Variants in SYNE2 observed in about 807,000 individuals in gnomAD.
SYNE2 encodes the protein nesprin-2.
A neutral mutation model predicts 856.3 loss-of-function variants in SYNE2; 431 were observed. The observed-to-expected ratio is 0.50, with a 90% CI of 0.47 to 0.55. SYNE2 has a LOEUF of 0.55. SYNE2 is among the 20% of genes least tolerant of loss of function. The pLI is 0.00. For missense variants in SYNE2, 8,129 were observed against 8,023.2 expected, an observed-to-expected ratio of 1.01 and a Z score of -0.50; for synonymous variants, 2,923 against 2,872.3, an observed-to-expected ratio of 1.02 and a Z score of -0.56.
chr14:64,010,359 T>C (rs539272128), intron 32 of SYNE2, among the ~76,000 whole-genome samples: 3 of 152,294 alleles, frequency 2.0e-5, no homozygotes, highest in South Asian at 2.1e-4. Flanking sequence ...GTGTTTCTGC[T>C]CACCCCTGCT....
intron 3 of SYNE2, among the ~76,000 whole-genome samples, chr14:63,941,169 T>C (rs2095909811): frequency 6.6e-6 from 1 of 152,212 alleles, no homozygotes; most frequent in South Asian, 2.1e-4. Flanking sequence ...TGCTGGGATA[T>C]GAACCCAGAC....
intron 100 of SYNE2, among the ~76,000 whole-genome samples, chr14:64,203,775 T>C (rs929290341): frequency 6.6e-5 from 10 of 152,234 alleles, no homozygotes; most frequent in African/African-American, 9.7e-5. Context: ...TTCTCAGACT[T>C]GAATCTGTTT....
chr14:63,849,808 G>T (rs1054974609), upstream of SYNE2, among the ~76,000 whole-genome samples: 5 of 152,158 alleles, frequency 3.3e-5, no homozygotes, highest in Non-Finnish European at 7.3e-5. Context: ...GAGTTCCTTA[G>T]ACCATGATTT....
At chr14:63,878,966 C>T (rs1010439393) in intron 1 of SYNE2, among the ~76,000 whole-genome samples, 2 of 152,198 alleles carry the variant, frequency 1.3e-5, no homozygotes, top group African/African-American at 4.8e-5. Context: ...GCCTTGATCC[C>T]AGTGCTTTGC....
intron 45 of SYNE2, among the ~76,000 whole-genome samples, chr14:64,042,360 G>A (rs576512712): frequency 6.6e-6 from 1 of 152,342 alleles, no homozygotes; most frequent in Admixed American, 6.5e-5. Context: ...AGGAAGAGAT[G>A]AAAAGGGATA....
At chr14:63,938,952 A>G (rs1432759340) in intron 2 of SYNE2, among the ~76,000 whole-genome samples, 3 of 152,018 alleles carry the variant, frequency 2.0e-5, no homozygotes, top group Non-Finnish European at 4.4e-5. Context: ...GCGTGTGTGC[A>G]TGTGTGCGCT....
chr14:64,205,589 C>A (rs940922472), intron 100 of SYNE2, among the ~76,000 whole-genome samples: 2 of 152,166 alleles, frequency 1.3e-5, no homozygotes, highest in African/African-American at 4.8e-5. Context: ...CCATGATGTC[C>A]CCGGATCCTC....
rs746899318 is a variant in SYNE2 at position 64,087,878 on chromosome 14, A to C, written c.11670+22A>C. On this transcript the variant is annotated intron_variant, in intron 58 of 115. Transcript: ENST00000555002. ...TGATGTAAGTTTGCACCATTCATTT[A>C]ATCATTCAGGATTAAATTAGAGGCT... 1.6e-5 allele frequency: 26 copies of C among 1,612,590 alleles called. 1 individual carries two copies. Among genetic ancestry groups the C allele is most frequent in the Admixed American group, 1.3e-4 (8 of 59,980 alleles).
At chr14:64,184,729 C>T (rs1007600710) in intron 96 of SYNE2, among the ~76,000 whole-genome samples, 4 of 152,142 alleles carry the variant, frequency 2.6e-5, no homozygotes, top group Admixed American at 2.6e-4. Context: ...TGGAACCAAT[C>T]GTGAGACCAA....
intron 1 of SYNE2, among the ~76,000 whole-genome samples, chr14:63,879,144 G>A (rs1292806884): frequency 6.6e-6 from 1 of 152,180 alleles, no homozygotes; most frequent in African/African-American, 2.4e-5. Flanking sequence ...AGAAACTGAA[G>A]AACCATACCA....
intron 96 of SYNE2, among the ~76,000 whole-genome samples, chr14:64,185,467 A>G (rs895723835): frequency 5.2e-4 from 78 of 150,588 alleles, no homozygotes; most frequent in African/African-American, 1.9e-3. Context: ...AGATTTCAGA[A>G]GGTTTCAATT....
chr14:63,985,556 A>C (rs73277511), intron 18 of SYNE2, among the ~76,000 whole-genome samples: 2 of 152,110 alleles, frequency 1.3e-5, no homozygotes, highest in Admixed American at 1.3e-4. Context: ...TTTAAATCGC[A>C]TATGAGTTTT....
intron 100 of SYNE2, among the ~76,000 whole-genome samples, chr14:64,206,568 T>C (rs1318499768): frequency 6.6e-6 from 1 of 152,022 alleles, no homozygotes; most frequent in Non-Finnish European, 1.5e-5. Context: ...TTGGGCTTTT[T>C]TTTTTTTAAC....
intron 2 of SYNE2, among the ~76,000 whole-genome samples, chr14:63,924,834 G>GTTTTTT (rs1160819887): frequency 1.2e-3 from 69 of 56,434 alleles, no homozygotes; most frequent in East Asian, 2.2e-3. Context: ...CAGCCTTGGT[G>GTTTTTT]TTTTTTTTTT....
At chr14:63,954,661 AG>A (rs1162183781) in intron 7 of SYNE2, 57 bp from the exon 8 acceptor site, 6 of 1,454,238 alleles carry the variant, frequency 4.1e-6, no homozygotes, top group Non-Finnish European at 5.8e-6. Flanking sequence ...AATATAGTGG[AG>A]GGGGGTGTTA....
intron 32 of SYNE2, among the ~76,000 whole-genome samples, chr14:64,015,089 C>T (rs189755177): frequency 2.1e-4 from 29 of 139,870 alleles, no homozygotes; most frequent in African/African-American, 7.1e-4. Flanking sequence ...ATATATATAA[C>T]GTGTATATAT....
intron 54 of SYNE2, 65 bp from the exon 55 acceptor site, chr14:64,078,401 T>G (rs2097487523): frequency 3.7e-6 from 6 of 1,605,344 alleles, no homozygotes; most frequent in Non-Finnish European, 5.1e-6. Context: ...ACTTTTGTTG[T>G]TCGAACCTAT....
intron 66 of SYNE2, among the ~76,000 whole-genome samples, chr14:64,115,979 C>A (rs1384227101): frequency 6.6e-6 from 1 of 152,036 alleles, no homozygotes; most frequent in African/African-American, 2.4e-5. Context: ...CATAGTTACA[C>A]CTTGTCTCTA....
chr14:64,158,946 C>T, intron 86 of SYNE2, 151 bp downstream of exon 86: 1 of 890,582 alleles, frequency 1.1e-6, no homozygotes, highest in East Asian at 2.6e-5. Flanking sequence ...CTGGAAATTC[C>T]AAAATAAGTC....
Sources: allele counts gnomAD v4.1 joint callset (sites outside exome capture counted in the v4.1 genomes callset), GRCh38; gene constraint gnomAD v4.1.1; transcripts MANE v1.5; gene names NCBI Gene and HGNC (gene_info 2026-07-23, HGNC 2026-07-21).